The following DAB1 variants were observed in gnomAD, a reference collection of about 807,000 sequenced individuals.
DAB1 encodes the protein disabled homolog 1.
A neutral mutation model predicts 64.6 loss-of-function variants in DAB1; 15 were observed. The observed-to-expected ratio is 0.23, with a 90% CI of 0.16 to 0.36. DAB1 has a LOEUF of 0.36. DAB1 is among the 10% of genes least tolerant of loss of function. The pLI is 1.00. For synonymous variants in DAB1, 235 were observed against 251.9 expected, an observed-to-expected ratio of 0.93 and a Z score of 0.64; for missense variants, 596 against 706.7, an observed-to-expected ratio of 0.84 and a Z score of 1.78.
intron 6 of DAB1, among the ~76,000 whole-genome samples, chr1:57,728,502 G>A (rs1467040590): frequency 1.3e-5 from 2 of 151,972 alleles, no homozygotes; most frequent in Non-Finnish European, 2.9e-5. Flanking sequence ...GCTGAGGCAG[G>A]AGAATGGCGT....
Position 57,796,539 on chromosome 1 carries a change from G to GATAATA in DAB1, n.551+87454_551+87459dup, listed in dbSNP as rs112123311. Among the ~76,000 whole-genome samples, 765 of 146,876 alleles carry GATAATA rather than the reference G, an allele frequency of 5.2e-3. 8 individuals are homozygous for GATAATA. The highest frequency in any genetic ancestry group is 0.017 in the African/African-American group (670 of 38,458). The stretch of plus-strand genomic sequence containing the variant: ...AAAACTCCGTCTCAATAATAACAAT[G>GATAATA]ATAATAATAATAATAATAATAATCA... On this transcript the variant is annotated intron_variant and non_coding_transcript_variant, in intron 6 of 20. Transcript: ENST00000485760.
chr1:57,228,528 C>CT (rs1424075001), intron 2 of DAB1, among the ~76,000 whole-genome samples: 4 of 152,170 alleles, frequency 2.6e-5, no homozygotes, highest in Admixed American at 6.5e-5. Context: ...AGGAATCATT[C>CT]TTTACCCATC....
At chr1:58,097,424 C>G (rs1651051883) in intron 5 of DAB1, among the ~76,000 whole-genome samples, 1 of 152,106 alleles carries the variant, frequency 6.6e-6, no homozygotes, top group African/African-American at 2.4e-5. Flanking sequence ...ATGGTTTAAT[C>G]ACAGTTTTAA....
At chr1:57,753,430 A>G (rs1648647091) in intron 6 of DAB1, among the ~76,000 whole-genome samples, 1 of 152,208 alleles carries the variant, frequency 6.6e-6, no homozygotes, top group Admixed American at 6.5e-5. Flanking sequence ...CCTCGGAACC[A>G]GGAGGAAAGG....
chr1:57,633,780 G>C lies in DAB1; in HGVS notation n.625+15812C>G, dbSNP rs1179545714. On this transcript the variant is annotated intron_variant and non_coding_transcript_variant, in intron 7 of 20. Transcript: ENST00000485760. ...TAAGTGATGCCATTAGAGGAAGGGA[G>C]AGAGCCGGAGTGAAACACACGTACA... 2.0e-5 allele frequency among the ~76,000 whole-genome samples: 3 copies of C among 152,294 alleles called. No homozygotes were observed. The East Asian group carries it at 5.8e-4, about 29-fold the overall frequency.
chr1:58,157,434 A>C (rs1655284826), intron 4 of DAB1, among the ~76,000 whole-genome samples: 1 of 152,146 alleles, frequency 6.6e-6, no homozygotes, highest in African/African-American at 2.4e-5. Flanking sequence ...AGCGTGAGGA[A>C]ATGGTAATTG....
intron 6 of DAB1, among the ~76,000 whole-genome samples, chr1:57,651,687 C>G (rs983945545): frequency 1.3e-5 from 2 of 152,024 alleles, no homozygotes; most frequent in Non-Finnish European, 2.9e-5. Flanking sequence ...GACAGAAAGC[C>G]TGGAATTCAA....
chr1:57,732,081 G>A (rs1210979926), intron 6 of DAB1, among the ~76,000 whole-genome samples: 1 of 152,132 alleles, frequency 6.6e-6, no homozygotes, highest in Non-Finnish European at 1.5e-5. Context: ...GAGGCAGGAG[G>A]GCATGCAGAA....
At chr1:57,972,534 C>T (rs1645823096) in intron 5 of DAB1, among the ~76,000 whole-genome samples, 1 of 152,174 alleles carries the variant, frequency 6.6e-6, no homozygotes, top group Non-Finnish European at 1.5e-5. Flanking sequence ...TGAGTCGCCA[C>T]ACACCTGGCC....
chr1:58,300,043 C>T (rs867573801), intron 4 of DAB1, among the ~76,000 whole-genome samples: 12 of 152,058 alleles, frequency 7.9e-5, no homozygotes, highest in African/African-American at 2.7e-4. Flanking sequence ...GAAAGGGTCA[C>T]GTTTAGAAAC....
At chr1:57,535,070 T>C (rs1644710129) in intron 7 of DAB1, among the ~76,000 whole-genome samples, 1 of 152,196 alleles carries the variant, frequency 6.6e-6, no homozygotes, top group Non-Finnish European at 1.5e-5. Context: ...TAAGGGCATC[T>C]CCTAAGCCAA....
intron 3 of DAB1, among the ~76,000 whole-genome samples, chr1:58,348,804 G>C (rs754533411): frequency 1.3e-5 from 2 of 152,114 alleles, no homozygotes; most frequent in African/African-American, 2.4e-5. Flanking sequence ...TGAAGTCTTT[G>C]GCATGCCACT....
chr1:58,114,384 T>C (rs536850175), intron 5 of DAB1, among the ~76,000 whole-genome samples: 15 of 152,336 alleles, frequency 9.8e-5, no homozygotes, highest in African/African-American at 3.6e-4. Flanking sequence ...AGGAGGATTA[T>C]CTAGTCCCGA....
intron 3 of DAB1, among the ~76,000 whole-genome samples, chr1:58,420,091 T>C (rs1425907300): frequency 1.3e-5 from 2 of 152,252 alleles, no homozygotes; most frequent in African/African-American, 4.8e-5. Context: ...ATTGACACTC[T>C]GAGAGTTATT....
At chr1:57,704,878 T>TTCCTTCCTTCCTTCC (rs374859083) in intron 6 of DAB1, among the ~76,000 whole-genome samples, 2,489 of 146,356 alleles carry the variant, frequency 0.017, 125 homozygotes, top group African/African-American at 0.058. Context: ...GGAAATTTCT[T>TTCCTTCCTTCCTTCC]TTCCTTCCTT....
rs180774900 is a variant in DAB1 at position 57,324,574 on chromosome 1, T to A, written c.-136-33408A>T. ...CAGTGCGCATTAGAGAGGAGAATGA[T>A]GCGCATTAGAGAGGAGAATGATGAG... On this transcript the variant is annotated intron_variant, in intron 1 of 14. Transcript: ENST00000371236. Among the ~76,000 whole-genome samples, 11 of 151,488 alleles carry A rather than the reference T, an allele frequency of 7.3e-5. No individual in the cohort carries two copies. In the East Asian group the frequency reaches 2.1e-3, roughly 29 times the overall value.
At chr1:57,312,933 C>T (rs1158309616) in intron 1 of DAB1, among the ~76,000 whole-genome samples, 8 of 152,162 alleles carry the variant, frequency 5.3e-5, no homozygotes, top group Non-Finnish European at 8.8e-5. Context: ...CTGGACTGAA[C>T]TGTCCACTTT....
At chr1:58,457,775 C>G (rs982386584) in intron 3 of DAB1, among the ~76,000 whole-genome samples, 7 of 152,168 alleles carry the variant, frequency 4.6e-5, no homozygotes, top group Non-Finnish European at 8.8e-5. Flanking sequence ...CCTCTGTCCC[C>G]CCAGTCACCT....
intron 3 of DAB1, among the ~76,000 whole-genome samples, chr1:58,478,440 G>T (rs1161349281): frequency 6.6e-6 from 1 of 152,134 alleles, no homozygotes; most frequent in Non-Finnish European, 1.5e-5. Flanking sequence ...TGCAGCTCTA[G>T]ACTTTGTGTT....
Sources: allele counts gnomAD v4.1 joint callset (sites outside exome capture counted in the v4.1 genomes callset), GRCh38; gene constraint gnomAD v4.1.1; transcripts MANE v1.5; gene names NCBI Gene and HGNC (gene_info 2026-07-23, HGNC 2026-07-21).